WDR17: variants seen among roughly 807,000 people sequenced by gnomAD.
WDR17 encodes the protein WD repeat domain 17, also known as WD repeat-containing protein 17.
A neutral mutation model predicts 161.7 loss-of-function variants in WDR17; 143 were observed. The ratio of observed to expected loss-of-function variants is 0.88; its 90% CI spans 0.77 to 1.02. The LOEUF (loss-of-function observed/expected upper bound fraction) is 1.02. Among genes scored for constraint, WDR17 ranks in the 50% least tolerant of loss-of-function variants. The probability of loss-of-function intolerance (pLI) is 0.00; values close to 1 mark genes in which losing one functional copy is unlikely to be tolerated. For missense variants in WDR17, 1,469 were observed against 1,520.9 expected (o/e 0.97, Z 0.57); for synonymous variants, 517 against 515.6 (o/e 1.00, Z -0.04).
chr4:176,074,643 T>A (rs953051328), intron 1 of WDR17, among the ~76,000 whole-genome samples: 1 of 151,678 alleles, frequency 6.6e-6, no homozygotes, highest in African/African-American at 2.4e-5. Flanking sequence ...TTTGTAGATA[T>A]AGGGTCTTGC....
At chr4:176,097,742 TAC>T (rs35130339) in intron 1 of WDR17, among the ~76,000 whole-genome samples, 32,597 of 142,872 alleles carry the variant, frequency 0.23, 3,728 homozygotes, top group South Asian at 0.33. Flanking sequence ...CACACACACA[TAC>T]ACACACACAC....
At chr4:176,177,237 C>T in intron 27 of WDR17, 81 bp downstream of exon 27, 1 of 1,264,824 alleles carries the variant, frequency 7.9e-7, no homozygotes, top group Non-Finnish European at 1.1e-6. Context: ...TGTGTGGTCT[C>T]ATTAATTTTA....
intron 1 of WDR17, among the ~76,000 whole-genome samples, chr4:176,081,844 C>G (rs1734782934): frequency 6.6e-6 from 1 of 152,266 alleles, no homozygotes; most frequent in Middle Eastern, 3.4e-3. Context: ...GATGAAATTA[C>G]TATGACTGAC....
Position 176,159,996 on chromosome 4 carries a change from G to T in WDR17, c.2528G>T (p.Arg843Ile). 1 of 1,599,788 alleles carries T rather than the reference G, an allele frequency of 6.3e-7. No homozygotes were observed. Among genetic ancestry groups the T allele is most frequent in the Non-Finnish European group, 8.5e-7 (1 of 1,170,758 alleles). The change falls in exon 19 of 29, where the codon AGA becomes ATA. Residue 843 changes from arginine to isoleucine, a missense_variant and splice_region_variant. Coordinates refer to ENST00000508596, the MANE Select transcript of WDR17 (RefSeq NM_181265.4). The stretch of plus-strand genomic sequence containing the variant: ...AAAAACTGTCCTTATTTTATTAGGA[G>T]AGCTGACCAATTAATCCAGGAAGAT... Reference protein sequence around the residue: ...VKYWKKLMQRRADQLIQEDKD... With the variant: ...VKYWKKLMQRIADQLIQEDKD...
At chr4:176,096,423 G>A (rs1736866933) in intron 1 of WDR17, 2 of 916,502 alleles carry the variant, frequency 2.2e-6, no homozygotes, top group East Asian at 5.4e-5. Context: ...GGAGATTTTG[G>A]TAAATCTTGT....
chr4:176,096,775 A>G (rs571169053), intron 1 of WDR17, among the ~76,000 whole-genome samples: 146 of 151,968 alleles, frequency 9.6e-4, no homozygotes, highest in Non-Finnish European at 2.0e-3. Flanking sequence ...TATATAGTGA[A>G]GAAGAAAGGG....
chr4:176,094,969 C>G (rs1736633435), intron 1 of WDR17, among the ~76,000 whole-genome samples: 1 of 152,102 alleles, frequency 6.6e-6, no homozygotes, highest in Non-Finnish European at 1.5e-5. Flanking sequence ...GCTGAGAGAT[C>G]TAGATTCAGC....
At chr4:176,141,769 T>C (rs1287695131) in intron 10 of WDR17, among the ~76,000 whole-genome samples, 1 of 152,220 alleles carries the variant, frequency 6.6e-6, no homozygotes, top group African/African-American at 2.4e-5. Flanking sequence ...TATTACCTTA[T>C]ATTAATTGTA....
chr4:176,110,290 C>T (rs1056294963), intron 1 of WDR17, among the ~76,000 whole-genome samples: 8 of 152,036 alleles, frequency 5.3e-5, no homozygotes, highest in African/African-American at 7.2e-5. Context: ...CACAGGTGCC[C>T]GTCACCACGC....
chr4:176,136,230 T>C (rs1437554399), intron 8 of WDR17, among the ~76,000 whole-genome samples: 2 of 151,668 alleles, frequency 1.3e-5, no homozygotes, highest in Non-Finnish European at 3.0e-5. Flanking sequence ...TTACAACTCT[T>C]AATGACAATG....
chr4:176,160,881 A>G (rs10520338), intron 19 of WDR17, 30 bp from the exon 20 acceptor site: 356,176 of 1,519,902 alleles, frequency 0.23, 44,086 homozygotes, highest in Middle Eastern at 0.28. Flanking sequence ...AATTAGCTAA[A>G]GAATAATTCA....
At position 176,115,906 on chromosome 4, in the gene WDR17, C is replaced by T. The variant is rs762513966; in HGVS notation, c.234C>T (p.Gly78=). Residue 78 remains glycine (G), a synonymous_variant, in exon 3 of 29, where the codon GGC becomes GGT. Coordinates refer to ENST00000508596, the MANE Select transcript of WDR17 (RefSeq NM_181265.4). ...ATAATCCTGATCTGTTTGCAAGTGG[C>T]AGTACTGATAATTTAGTGATCATTT... The part of the protein sequence containing the change: ...CPHNPDLFAS[G]STDNLVIIWN... 1 of 1,610,906 alleles carries T rather than the reference C, an allele frequency of 6.2e-7. No individual in the cohort carries two copies. Among genetic ancestry groups the T allele is most frequent in the South Asian group, 1.1e-5 (1 of 90,726 alleles).
chr4:176,163,884 T>C (rs7696837), intron 22 of WDR17, among the ~76,000 whole-genome samples: 76,014 of 152,052 alleles, frequency 0.5, 19,531 homozygotes, highest in Admixed American at 0.62. Context: ...TATTAGGAAA[T>C]ATGGGATTCC....
intron 1 of WDR17, among the ~76,000 whole-genome samples, chr4:176,097,993 G>T (rs1186148581): frequency 1.3e-5 from 2 of 151,790 alleles, no homozygotes; most frequent in Non-Finnish European, 1.5e-5. Flanking sequence ...TTAAAATATA[G>T]AAATAGATTG....
chr4:176,128,594 A>G, intron 5 of WDR17, 144 bp from the exon 6 acceptor site: 4 of 763,514 alleles, frequency 5.2e-6, no homozygotes, highest in East Asian at 3.1e-5. Flanking sequence ...GTTAGGTTGT[A>G]TTACTGTATG....
intron 22 of WDR17, among the ~76,000 whole-genome samples, chr4:176,163,617 C>T (rs1053177767): frequency 1.3e-5 from 2 of 151,678 alleles, no homozygotes; most frequent in Non-Finnish European, 2.9e-5. Context: ...TAAAATTCCG[C>T]ATATCTACAC....
intron 1 of WDR17, among the ~76,000 whole-genome samples, chr4:176,076,774 C>T (rs1269107719): frequency 1.3e-5 from 2 of 151,912 alleles, no homozygotes; most frequent in African/African-American, 2.4e-5. Context: ...CATTCCTACT[C>T]CTGAATGAGA....
chr4:176,140,647 G>A (rs1207154697), intron 10 of WDR17, among the ~76,000 whole-genome samples: 1 of 152,076 alleles, frequency 6.6e-6, no homozygotes, highest in Non-Finnish European at 1.5e-5. Context: ...GTGGATAGGT[G>A]GTATAGACAC....
At position 176,173,376 on chromosome 4, in the gene WDR17, AT is replaced by A; in HGVS notation, c.3347+13del. 1 of 1,570,526 alleles carries A rather than the reference AT, an allele frequency of 6.4e-7. No individual in the cohort carries two copies. Among genetic ancestry groups the A allele is most frequent in the South Asian group, 1.1e-5 (1 of 87,054 alleles). On this transcript the variant is annotated splice_region_variant and intron_variant, in intron 25 of 28. Transcript: ENST00000508596. ...TCTTGCATACGTGTACTGAGTGAGT[AT>A]TTTTTCTGCAAAATATATAAGTGAA...
Sources: allele counts gnomAD v4.1 joint callset (sites outside exome capture counted in the v4.1 genomes callset), GRCh38; gene constraint gnomAD v4.1.1; transcripts MANE v1.5; gene names NCBI Gene and HGNC (gene_info 2026-07-23, HGNC 2026-07-21).